The following SDK1 variants were observed in gnomAD, a reference collection of about 807,000 sequenced individuals.
SDK1 encodes the protein sidekick cell adhesion molecule 1.
A neutral mutation model predicts 245.5 loss-of-function variants in SDK1; 157 were observed. The ratio of observed to expected loss-of-function variants is 0.64; its 90% CI spans 0.56 to 0.73. The LOEUF (loss-of-function observed/expected upper bound fraction) is 0.73, where lower values mean the gene tolerates loss of function less well. SDK1 is among the 30% of genes least tolerant of loss of function. The probability of loss-of-function intolerance (pLI) is 0.00; values close to 1 mark genes in which losing one functional copy is unlikely to be tolerated. For synonymous variants in SDK1, 1,647 were observed against 1,278.5 expected (o/e 1.29, Z -6.15); for missense variants, 3,583 against 3,002.3 (o/e 1.19, Z -4.52).
At chr7:4,134,328 A>T (rs1778902601) in intron 28 of SDK1, among the ~76,000 whole-genome samples, 1 of 152,180 alleles carries the variant, frequency 6.6e-6, no homozygotes, top group Non-Finnish European at 1.5e-5. Flanking sequence ...GCCACCTTGG[A>T]GGTGAGCATT....
intron 4 of SDK1, among the ~76,000 whole-genome samples, chr7:3,761,393 A>G (rs2114989808): frequency 6.6e-6 from 1 of 151,490 alleles, no homozygotes; most frequent in Middle Eastern, 3.4e-3. Context: ...TCTCTACTAA[A>G]AATACAAAAA....
rs1194292563 is a variant in SDK1 at position 3,365,534 on chromosome 7, C to A, written c.298+63650C>A. Among the ~76,000 whole-genome samples the A allele has an allele frequency of 3.9e-5, 6 of 152,194 alleles. No homozygotes were observed. In the East Asian group the frequency reaches 1.2e-3, roughly 29 times the overall value. ...ATATATTTCTATTCATTTTCTCTTA[C>A]ACTGAAAATAGTGATTTCTTAATGA... On this transcript the variant is annotated intron_variant, in intron 1 of 44. Transcript: ENST00000404826.
rs151281074 is a variant in SDK1, at chr7:3,758,387, A to G, written c.714-63063A>G. ...GTCCCATCTCCCATTTATATATTCA[A>G]TCATTTATTTATATCATTTTGGATA... On this transcript the variant is annotated intron_variant, in intron 4 of 44. Coordinates refer to ENST00000404826, the MANE Select transcript of SDK1 (RefSeq NM_152744.4). Among the ~76,000 whole-genome samples, 667 of 152,178 alleles carry G rather than the reference A, an allele frequency of 4.4e-3. 7 individuals carry two copies. The highest frequency in any genetic ancestry group is 0.015 in the African/African-American group (621 of 41,532).
intron 1 of SDK1, among the ~76,000 whole-genome samples, chr7:3,474,239 G>C (rs1006393971): frequency 6.6e-6 from 1 of 151,102 alleles, no homozygotes; most frequent in African/African-American, 2.4e-5. Flanking sequence ...AGTAGTGGTG[G>C]CGTGCGCCAC....
rs943047025 is a variant in SDK1 at position 4,241,826 on chromosome 7, C to T, written c.6164C>T (p.Thr2055Ile). The T allele has an allele frequency of 1.2e-6, 2 of 1,614,040 alleles. No individual in the cohort carries two copies. Among genetic ancestry groups the T allele is most frequent in the African/African-American group, 2.7e-5 (2 of 74,934 alleles). The change falls in exon 43 of 45, where the codon ACC becomes ATC. Residue 2055 changes from threonine to isoleucine, a missense_variant. Physicochemically the swap from Thr to Ile is moderately conservative, Grantham distance 89 (BLOSUM62 -1). Coordinates refer to ENST00000404826, the MANE Select transcript of SDK1 (RefSeq NM_152744.4). ...KGISTMEESVTLDNGGFAALE... is the reference protein window; with the variant it reads ...KGISTMEESVILDNGGFAALE... ...ATCTCCACCATGGAGGAGTCTGTGA[C>T]CCTGGACAACGGAGGATTTGCTGCC...
intron 4 of SDK1, among the ~76,000 whole-genome samples, chr7:3,751,424 G>A (rs1257874335): frequency 7.0e-6 from 1 of 143,244 alleles, no homozygotes; most frequent in African/African-American, 2.6e-5. Context: ...GATAGAACCA[G>A]AGGACAAGAT....
chr7:4,125,695 C>G (rs1256594373), intron 25 of SDK1, among the ~76,000 whole-genome samples: 1 of 152,216 alleles, frequency 6.6e-6, no homozygotes, highest in African/African-American at 2.4e-5. Flanking sequence ...AGTGCCCTAC[C>G]AGGCACCTCA....
At chr7:3,575,079 G>A (rs185541150) in intron 1 of SDK1, among the ~76,000 whole-genome samples, 2 of 151,962 alleles carry the variant, frequency 1.3e-5, no homozygotes, top group South Asian at 2.1e-4. Flanking sequence ...AGATTCTTAC[G>A]TTGAAGTTGA....
chr7:4,189,159 C>T (rs1783050829), intron 35 of SDK1, among the ~76,000 whole-genome samples: 1 of 152,156 alleles, frequency 6.6e-6, no homozygotes, highest in South Asian at 2.1e-4. Context: ...TTCATGCTTG[C>T]TCCCGGGAGC....
chr7:4,261,220 T>A (rs1229620194), intron 44 of SDK1, among the ~76,000 whole-genome samples: 2 of 152,110 alleles, frequency 1.3e-5, no homozygotes, highest in Non-Finnish European at 2.9e-5. Flanking sequence ...TGTCGGCTCA[T>A]GGATCAGAGC....
Position 3,591,410 on chromosome 7 carries a change from G to A in SDK1, c.299-27670G>A, listed in dbSNP as rs927292487. Among the ~76,000 whole-genome samples, 4 of 152,348 alleles carry A rather than the reference G, an allele frequency of 2.6e-5. No homozygotes were observed. In the South Asian group the frequency reaches 8.3e-4, roughly 32 times the overall value. Reference sequence around the variant, plus strand: ...GGGAAGGATCACTGGCCGCCTAGGGGAGACCTTCCCATTATTAATTCCTGC... The same window carrying A: ...GGGAAGGATCACTGGCCGCCTAGGGAAGACCTTCCCATTATTAATTCCTGC... On this transcript the variant is annotated intron_variant, in intron 1 of 44. Coordinates refer to ENST00000404826, the MANE Select transcript of SDK1 (RefSeq NM_152744.4).
chr7:3,672,533 T>C (rs1305363154), intron 4 of SDK1, among the ~76,000 whole-genome samples: 3 of 147,066 alleles, frequency 2.0e-5, no homozygotes, highest in Non-Finnish European at 4.5e-5. Context: ...CCAAAAGCAA[T>C]CTATTTATAG....
chr7:3,402,578 A>G (rs1778918995), intron 1 of SDK1, among the ~76,000 whole-genome samples: 1 of 152,224 alleles, frequency 6.6e-6, no homozygotes, highest in Admixed American at 6.5e-5. Context: ...TTCCCAAGTG[A>G]AATAAGAATG....
At chr7:4,040,759 A>G (rs1258093793) in intron 17 of SDK1, among the ~76,000 whole-genome samples, 1 of 152,184 alleles carries the variant, frequency 6.6e-6, no homozygotes, top group Non-Finnish European at 1.5e-5. Flanking sequence ...ATCTTTTATT[A>G]TGCGGATGGG....
chr7:4,107,185 G>C (rs1213049427), intron 22 of SDK1, among the ~76,000 whole-genome samples: 1 of 151,356 alleles, frequency 6.6e-6, no homozygotes, highest in Non-Finnish European at 1.5e-5. Flanking sequence ...CCAACCAGAG[G>C]AAGGAGACCT....
chr7:3,587,233 G>A (rs1330433219), intron 1 of SDK1, among the ~76,000 whole-genome samples: 1 of 152,128 alleles, frequency 6.6e-6, no homozygotes, highest in Non-Finnish European at 1.5e-5. Flanking sequence ...GGGTCAGAGG[G>A]GATTTAGAGT....
At chr7:4,078,939 C>G (rs987353926) in intron 21 of SDK1, among the ~76,000 whole-genome samples, 2 of 152,330 alleles carry the variant, frequency 1.3e-5, no homozygotes, top group African/African-American at 4.8e-5. Flanking sequence ...AGGCTCAAGA[C>G]CTGATCCTGA....
chr7:3,880,277 G>A (rs1781175417), intron 5 of SDK1, among the ~76,000 whole-genome samples: 1 of 152,208 alleles, frequency 6.6e-6, no homozygotes, highest in Admixed American at 6.5e-5. Context: ...CGAACAGCTG[G>A]TTGAGGTTGC....
chr7:3,597,450 G>A (rs1781103088), intron 1 of SDK1, among the ~76,000 whole-genome samples: 1 of 152,172 alleles, frequency 6.6e-6, no homozygotes, highest in South Asian at 2.1e-4. Context: ...AGAACAGTGG[G>A]TTTTGTAAGA....
Sources: gnomAD v4.1 joint callset for allele counts (sites outside exome capture counted in the v4.1 genomes callset) on GRCh38, gnomAD v4.1.1 for gene constraint, MANE v1.5 for transcripts, NCBI Gene and HGNC (gene_info 2026-07-23, HGNC 2026-07-21) for gene names.